The following FRMD3 variants were observed in gnomAD, a reference collection of about 807,000 sequenced individuals.
FRMD3 encodes the protein FERM domain containing 3, also known as FERM domain-containing protein 3.
In FRMD3, 33 loss-of-function variants were observed where a neutral mutation model predicts 70.2. The ratio of observed to expected loss-of-function variants is 0.47; its 90% CI spans 0.36 to 0.63. The LOEUF (loss-of-function observed/expected upper bound fraction) is 0.63, where lower values mean the gene tolerates loss of function less well. Ranked by LOEUF, FRMD3 falls within the 20% of genes least tolerant of loss-of-function variation. FRMD3 has a pLI of 0.00. For synonymous variants in FRMD3, 279 were observed against 255.9 expected (o/e 1.09, Z -0.86); for missense variants, 632 against 711.4 (o/e 0.89, Z 1.27).
At chr9:83,411,974 C>T (rs924077896) in intron 1 of FRMD3, among the ~76,000 whole-genome samples, 2 of 152,154 alleles carry the variant, frequency 1.3e-5, no homozygotes, top group Non-Finnish European at 2.9e-5. Flanking sequence ...GTTCTAGCTG[C>T]CCATCTTGTT....
At chr9:83,470,828 A>G (rs1480695816) in intron 1 of FRMD3, among the ~76,000 whole-genome samples, 1 of 152,256 alleles carries the variant, frequency 6.6e-6, no homozygotes, top group African/African-American at 2.4e-5. Context: ...ACTTGGAGTT[A>G]ACCTGTGAAT....
intron 2 of FRMD3, among the ~76,000 whole-genome samples, chr9:83,379,037 CCTT>C (rs1272279481): frequency 6.6e-6 from 1 of 151,404 alleles, no homozygotes; most frequent in Non-Finnish European, 1.5e-5. Flanking sequence ...CTGACTTTGT[CCTT>C]CTCTTTCTCC....
chr9:83,567,298 T>C, the FRMD3 span, among the ~76,000 whole-genome samples: 1 of 152,136 alleles, frequency 6.6e-6, no homozygotes, highest in South Asian at 2.1e-4. Context: ...CTGCACCAAG[T>C]CCCTAGGCTG....
chr9:83,258,304 T>A (rs1202695508), intron 13 of FRMD3, among the ~76,000 whole-genome samples: 1 of 152,196 alleles, frequency 6.6e-6, no homozygotes, highest in African/African-American at 2.4e-5. Context: ...TAACTGAAAA[T>A]GGAAGGAGCA....
At chr9:83,377,532 ATTAATGGTTTAGCACCT>A (rs1331613889) in intron 2 of FRMD3, among the ~76,000 whole-genome samples, 2 of 152,128 alleles carry the variant, frequency 1.3e-5, no homozygotes, top group African/African-American at 2.4e-5. Flanking sequence ...CAGATTTCTC[ATTAATGGTTTAGCACCT>A]TCCTCTTGGT....
At chr9:83,581,894 G>A in the FRMD3 span, among the ~76,000 whole-genome samples, 1 of 152,112 alleles carries the variant, frequency 6.6e-6, no homozygotes, top group Admixed American at 6.6e-5. Context: ...GAGTGGTTGG[G>A]GAGAAATGGG....
At chr9:83,538,712 C>A (rs1486982139), upstream of FRMD3, among the ~76,000 whole-genome samples, 2 of 152,234 alleles carry the variant, frequency 1.3e-5, no homozygotes, top group Non-Finnish European at 2.9e-5. This position sits in a 1 kb window ranked among gnomAD's most constrained non-coding sequence, Gnocchi z 4.7. Context: ...CCTCCCCTGG[C>A]CGCTGTCGCT....
At chr9:83,509,006 C>T (rs1564109955) in intron 1 of FRMD3, among the ~76,000 whole-genome samples, 1 of 146,722 alleles carries the variant, frequency 6.8e-6, no homozygotes, top group Non-Finnish European at 1.5e-5. Flanking sequence ...CTTTCCTTCC[C>T]CCCCTCCCCT....
chr9:83,356,990 G>A (rs749541416), intron 3 of FRMD3, among the ~76,000 whole-genome samples: 31 of 151,084 alleles, frequency 2.1e-4, no homozygotes, highest in South Asian at 8.4e-4. Context: ...GATAACATGC[G>A]ATGTTTGGTT....
At chr9:83,487,844 G>A (rs1401313530) in intron 1 of FRMD3, among the ~76,000 whole-genome samples, 1 of 152,146 alleles carries the variant, frequency 6.6e-6, no homozygotes, top group African/African-American at 2.4e-5. Flanking sequence ...ACGAGGGGTA[G>A]ACTCAAGGAT....
chr9:83,328,136 T>G (rs1192059470), intron 6 of FRMD3, among the ~76,000 whole-genome samples: 2 of 151,408 alleles, frequency 1.3e-5, no homozygotes, highest in African/African-American at 4.9e-5. Flanking sequence ...CATAATTGTG[T>G]AGCCTTGGAT....
chr9:83,416,737 T>TTCTCTCTGTCTCTCTG (rs1826453290), intron 1 of FRMD3, among the ~76,000 whole-genome samples: 1 of 80,988 alleles, frequency 1.2e-5, no homozygotes, highest in African/African-American at 4.6e-5. Context: ...CCTAAAACAT[T>TTCTCTCTGTCTCTCTG]TCTCTCTGTC....
intron 3 of FRMD3, among the ~76,000 whole-genome samples, chr9:83,358,329 A>G (rs755093338): frequency 2.0e-5 from 3 of 152,178 alleles, no homozygotes; most frequent in Admixed American, 6.5e-5. Context: ...TTTGGTGACT[A>G]TGACCTTATA....
the FRMD3 span, among the ~76,000 whole-genome samples, chr9:83,558,307 C>T: frequency 5.1e-4 from 78 of 152,034 alleles, no homozygotes; most frequent in South Asian, 5.2e-3. Flanking sequence ...TGCATGTGTG[C>T]GCCTGTGTGT....
chr9:83,478,671 A>G (rs1378717489), intron 1 of FRMD3, among the ~76,000 whole-genome samples: 1 of 152,232 alleles, frequency 6.6e-6, no homozygotes, highest in Non-Finnish European at 1.5e-5. Context: ...AGAATTAAGC[A>G]GTGGAACTAG....
intron 1 of FRMD3, among the ~76,000 whole-genome samples, chr9:83,434,247 A>G: frequency 6.6e-6 from 1 of 152,206 alleles, no homozygotes; most frequent in African/African-American, 2.4e-5. Flanking sequence ...GTTTGAGGTC[A>G]CTTTTAGGAG....
intron 13 of FRMD3, among the ~76,000 whole-genome samples, chr9:83,272,661 C>T (rs1167011373): frequency 2.8e-5 from 4 of 143,318 alleles, no homozygotes; most frequent in South Asian, 2.2e-4. Flanking sequence ...AAGTGAGGAG[C>T]GCCTCTGCCC....
At chr9:83,541,561 C>A (rs1323076834), upstream of FRMD3, among the ~76,000 whole-genome samples, 2 of 152,216 alleles carry the variant, frequency 1.3e-5, no homozygotes, top group South Asian at 2.1e-4. Flanking sequence ...GGACTGCCAT[C>A]TTTGAAAAGC....
chr9:83,267,310 G>C, intron 13 of FRMD3: 1 of 1,433,970 alleles, frequency 7.0e-7, no homozygotes, highest in Non-Finnish European at 9.1e-7. Context: ...ATTGGGAGGG[G>C]AGGAGGGAGG....
Sources: gnomAD v4.1 joint callset for allele counts (sites outside exome capture counted in the v4.1 genomes callset) on GRCh38, gnomAD v4.1.1 for gene constraint, Gnocchi (gnomAD v3.1) non-coding constraint, MANE v1.5 for transcripts, NCBI Gene and HGNC (gene_info 2026-07-23, HGNC 2026-07-21) for gene names.